Variants in DLG2 observed in about 807,000 individuals in gnomAD.
DLG2 encodes disks large homolog 2.
DLG2 carries 45 observed loss-of-function variants against 132.5 expected under a neutral mutation model. The observed-to-expected ratio is 0.34, with a 90% CI of 0.27 to 0.44. DLG2 has a LOEUF of 0.44. Among genes scored for constraint, DLG2 ranks in the 20% least tolerant of loss-of-function variants. The pLI is 1.00. For synonymous variants in DLG2, 424 were observed against 419.6 expected (o/e 1.01, Z -0.13); for missense variants, 1,045 against 1,196.9 (o/e 0.87, Z 1.87).
intron 26 of DLG2, among the ~76,000 whole-genome samples, chr11:83,466,307 C>T (rs1321489739): frequency 2.0e-5 from 3 of 151,948 alleles, no homozygotes; most frequent in African/African-American, 7.2e-5. Context: ...AAGTATGAGA[C>T]AATTAAAAAA....
At chr11:83,577,092 G>A (rs1258557600) in intron 19 of DLG2, among the ~76,000 whole-genome samples, 2 of 152,036 alleles carry the variant, frequency 1.3e-5, no homozygotes, top group Non-Finnish European at 2.9e-5. Flanking sequence ...AGCTGCCAGC[G>A]AATATAAAGC....
intron 18 of DLG2, among the ~76,000 whole-genome samples, chr11:83,692,410 G>C (rs910329101): frequency 6.6e-6 from 1 of 152,180 alleles, no homozygotes; most frequent in African/African-American, 2.4e-5. Context: ...TAGGTATTCT[G>C]TTTATATGAA....
At chr11:84,774,687 T>C (rs1351076148) in intron 6 of DLG2, among the ~76,000 whole-genome samples, 3 of 152,030 alleles carry the variant, frequency 2.0e-5, no homozygotes, top group Admixed American at 1.3e-4. Flanking sequence ...AAATAAGCAA[T>C]GGAGAGAGGA....
chr11:84,049,385 C>A (rs1382907810), intron 11 of DLG2, among the ~76,000 whole-genome samples: 2 of 151,744 alleles, frequency 1.3e-5, no homozygotes, highest in Non-Finnish European at 2.9e-5. Flanking sequence ...CTTGTACATA[C>A]AATTTCTGTA....
At chr11:84,178,705 C>G (rs1054083455) in intron 8 of DLG2, among the ~76,000 whole-genome samples, 2 of 151,582 alleles carry the variant, frequency 1.3e-5, no homozygotes, top group Non-Finnish European at 2.9e-5. Flanking sequence ...AAAGGCACTG[C>G]TATGATGCCA....
At chr11:84,194,126 C>T (rs539778764) in intron 8 of DLG2, among the ~76,000 whole-genome samples, 1 of 152,172 alleles carries the variant, frequency 6.6e-6, no homozygotes, top group African/African-American at 2.4e-5. Flanking sequence ...ATCAATCTTT[C>T]GATGATCATA....
rs1555372680 is a variant in DLG2, at chr11:83,743,449, T to TTTTTTTTTTTTTTTTTTTTTTTTTTA, written c.1825+43240_1825+43241insTAAAAAAAAAAAAAAAAAAAAAAAAA. Among the ~76,000 whole-genome samples, 102 of 124,098 alleles carry TTTTTTTTTTTTTTTTTTTTTTTTTTA rather than the reference T, an allele frequency of 8.2e-4. 14 individuals are homozygous for TTTTTTTTTTTTTTTTTTTTTTTTTTA. The highest frequency in any genetic ancestry group is 3.6e-3 in the African/African-American group (86 of 24,122). 81.4% of individuals were successfully genotyped at this position (124,098 alleles called of 152,430 possible). A position where few individuals can be genotyped will look rare whatever the true frequency, so the allele number is the denominator to read the frequency against. ...AGGCCATTTTTTTTTTTTTTTTTTTTATGACAGGGTCTCACTTTGTCACCC... is the reference window on the plus strand; with the variant it reads ...AGGCCATTTTTTTTTTTTTTTTTTTTTTTTTTTTTTTTTTTTTTTTTTTTTAATGACAGGGTCTCACTTTGTCACCC... On this transcript the variant is annotated intron_variant, in intron 18 of 27. Coordinates refer to ENST00000376104, the MANE Select transcript of DLG2 (RefSeq NM_001142699.3).
intron 19 of DLG2, among the ~76,000 whole-genome samples, chr11:83,566,753 G>A (rs1040657097): frequency 2.8e-5 from 4 of 144,548 alleles, no homozygotes; most frequent in African/African-American, 8.0e-5. Flanking sequence ...GTGTGTGTGT[G>A]TATCCTCACA....
intron 18 of DLG2, among the ~76,000 whole-genome samples, chr11:83,730,146 G>GTTTTTT (rs541441004): frequency 1.8e-5 from 2 of 110,974 alleles, no homozygotes; most frequent in African/African-American, 6.9e-5. Flanking sequence ...TTTTTTTATG[G>GTTTTTT]TTTTTTTTTT....
At chr11:85,392,784 C>A (rs928665304) in intron 3 of DLG2, among the ~76,000 whole-genome samples, 1 of 152,110 alleles carries the variant, frequency 6.6e-6, no homozygotes, top group Admixed American at 6.6e-5. Context: ...AAGAATGAAA[C>A]TGGATCCTTG....
chr11:84,342,827 A>T (rs140413848), intron 7 of DLG2, among the ~76,000 whole-genome samples: 1 of 152,282 alleles, frequency 6.6e-6, no homozygotes, highest in East Asian at 1.9e-4. Flanking sequence ...CTTGGCGCCA[A>T]CACCGATAAT....
chr11:85,382,053 G>A (rs1305504086), intron 3 of DLG2, among the ~76,000 whole-genome samples: 1 of 152,066 alleles, frequency 6.6e-6, no homozygotes, highest in Non-Finnish European at 1.5e-5. Flanking sequence ...GGAAATGCAT[G>A]GGACCCAGAA....
chr11:83,685,524 A>T (rs560518624), intron 18 of DLG2, among the ~76,000 whole-genome samples: 1 of 152,016 alleles, frequency 6.6e-6, no homozygotes, highest in South Asian at 2.1e-4. Flanking sequence ...CTCCTACTTC[A>T]CTAATCTATC....
At chr11:84,868,213 A>G (rs1049442504) in intron 6 of DLG2, among the ~76,000 whole-genome samples, 30 of 149,308 alleles carry the variant, frequency 2.0e-4, no homozygotes, top group African/African-American at 7.2e-4. Flanking sequence ...TGGCCATTGA[A>G]GGTTTATTTT....
chr11:83,743,449 T>TTTTTTTTTTTTTTTTTTTTTTTTTTTA lies in DLG2; in HGVS notation c.1825+43240_1825+43241insTAAAAAAAAAAAAAAAAAAAAAAAAAA, dbSNP rs1555372680. On this transcript the variant is annotated intron_variant, in intron 18 of 27. Coordinates refer to ENST00000376104, the MANE Select transcript of DLG2 (RefSeq NM_001142699.3). ...AGGCCATTTTTTTTTTTTTTTTTTT[T>TTTTTTTTTTTTTTTTTTTTTTTTTTTA]ATGACAGGGTCTCACTTTGTCACCC... Among the ~76,000 whole-genome samples the TTTTTTTTTTTTTTTTTTTTTTTTTTTA allele has an allele frequency of 1.7e-4, 21 of 124,104 alleles. 2 individuals are homozygous for TTTTTTTTTTTTTTTTTTTTTTTTTTTA. The highest frequency in any genetic ancestry group is 7.0e-4 in the African/African-American group (17 of 24,124). The allele number at this position is 124,104 out of a possible 152,430, so 81.4% of individuals were successfully genotyped here.
intron 6 of DLG2, among the ~76,000 whole-genome samples, chr11:85,036,558 G>C (rs896681064): frequency 6.6e-6 from 1 of 152,094 alleles, no homozygotes; most frequent in Non-Finnish European, 1.5e-5. Context: ...TGTTTCTATA[G>C]AGTCCAATCA....
chr11:85,042,033 C>T (rs374141237), intron 6 of DLG2, among the ~76,000 whole-genome samples: 3 of 151,792 alleles, frequency 2.0e-5, no homozygotes, highest in African/African-American at 7.3e-5. Context: ...CACCACTCTA[C>T]AATTCATCCA....
chr11:83,940,410 C>A (rs1364684289), intron 14 of DLG2, among the ~76,000 whole-genome samples: 2 of 152,126 alleles, frequency 1.3e-5, no homozygotes, highest in Non-Finnish European at 2.9e-5. Context: ...ATGAAGCTGG[C>A]CCTGTGCTAC....
At chr11:84,897,685 CTA>C (rs2090381740) in intron 6 of DLG2, among the ~76,000 whole-genome samples, 1 of 151,736 alleles carries the variant, frequency 6.6e-6, no homozygotes, top group African/African-American at 2.4e-5. Context: ...CTTAAAAAGA[CTA>C]AATAAAAATT....
Sources: allele counts gnomAD v4.1 joint callset (sites outside exome capture counted in the v4.1 genomes callset), GRCh38; gene constraint gnomAD v4.1.1; transcripts MANE v1.5; gene names NCBI Gene and HGNC (gene_info 2026-07-23, HGNC 2026-07-21).